The following ZMAT4 variants were observed in gnomAD, a reference collection of about 807,000 sequenced individuals.
ZMAT4 encodes the protein zinc finger matrin-type protein 4.
ZMAT4 carries 17 observed loss-of-function variants against 28.7 expected under a neutral mutation model. The observed-to-expected ratio is 0.59, with a 90% CI of 0.41 to 0.89. The LOEUF is 0.89. ZMAT4 is among the 40% of genes least tolerant of loss of function. The probability of loss-of-function intolerance (pLI) is 0.00; values close to 1 mark genes in which losing one functional copy is unlikely to be tolerated. For missense variants in ZMAT4, 240 were observed against 283.8 expected, an observed-to-expected ratio of 0.85 and a Z score of 1.11; for synonymous variants, 117 against 109.2, an observed-to-expected ratio of 1.07 and a Z score of -0.44.
intron 3 of ZMAT4, among the ~76,000 whole-genome samples, chr8:40,731,365 C>T (rs1399274067): frequency 3.3e-5 from 5 of 151,916 alleles, no homozygotes; most frequent in African/African-American, 9.7e-5. Flanking sequence ...CCTGAGAAGA[C>T]TTTAAATTCA....
At chr8:40,786,791 G>C in intron 2 of ZMAT4, 1 of 1,246,220 alleles carries the variant, frequency 8.0e-7, no homozygotes, top group Non-Finnish European at 1.1e-6. Flanking sequence ...CCCTAGGATA[G>C]ATGGGAACAA....
At chr8:40,644,355 T>G (rs1347625237) in intron 5 of ZMAT4, among the ~76,000 whole-genome samples, 2 of 152,092 alleles carry the variant, frequency 1.3e-5, no homozygotes, top group Non-Finnish European at 2.9e-5. Context: ...AAATGAGCCT[T>G]GAGCATCTTG....
At chr8:40,733,524 A>G (rs191839263) in intron 3 of ZMAT4, among the ~76,000 whole-genome samples, 233 of 152,266 alleles carry the variant, frequency 1.5e-3, no homozygotes, top group African/African-American at 5.5e-3. Flanking sequence ...GGGCCTGTTA[A>G]CAAGTTGCTG....
intron 3 of ZMAT4, among the ~76,000 whole-genome samples, chr8:40,720,794 G>A (rs1484543553): frequency 6.6e-6 from 1 of 151,912 alleles, no homozygotes; most frequent in Non-Finnish European, 1.5e-5. Flanking sequence ...CCAAAATGCT[G>A]GGATTACAGG....
rs533320336 is a variant in ZMAT4 at position 40,810,779 on chromosome 8, G to T, written c.102+14796C>A. Among the ~76,000 whole-genome samples the T allele has an allele frequency of 2.0e-5, 3 of 152,164 alleles. No individual in the cohort carries two copies. In the South Asian group the frequency reaches 6.2e-4, roughly 32 times the overall value. On this transcript the variant is annotated intron_variant, in intron 2 of 6. Transcript: ENST00000297737. ...ATATAACAGGAAGATGACAGAATGGGAGAAGATAGTTACAATGTATAAATT... is the reference window on the plus strand; with the variant it reads ...ATATAACAGGAAGATGACAGAATGGTAGAAGATAGTTACAATGTATAAATT...
At chr8:40,862,970 T>A (rs898934758) in intron 1 of ZMAT4, among the ~76,000 whole-genome samples, 3 of 150,864 alleles carry the variant, frequency 2.0e-5, no homozygotes, top group Admixed American at 6.6e-5. Flanking sequence ...AAAATATAAT[T>A]TAAAAAAAAA....
intron 1 of ZMAT4, among the ~76,000 whole-genome samples, chr8:40,892,219 A>G (rs1188478932): frequency 6.6e-6 from 1 of 152,210 alleles, no homozygotes; most frequent in African/African-American, 2.4e-5. Flanking sequence ...AGAAGTTTGC[A>G]GAGATATCTA....
intron 5 of ZMAT4, among the ~76,000 whole-genome samples, chr8:40,642,655 C>T (rs1036690401): frequency 6.6e-6 from 1 of 152,202 alleles, no homozygotes; most frequent in Non-Finnish European, 1.5e-5. Context: ...CCTAGAAAAG[C>T]TATCTGCTAG....
At chr8:40,829,386 T>C (rs1485849602) in intron 1 of ZMAT4, among the ~76,000 whole-genome samples, 1 of 152,200 alleles carries the variant, frequency 6.6e-6, no homozygotes, top group East Asian at 1.9e-4. Context: ...CTCCACCCGA[T>C]GTGGACGCAG....
chr8:40,538,485 G>GA (rs1308169877), intron 6 of ZMAT4, among the ~76,000 whole-genome samples: 1 of 152,128 alleles, frequency 6.6e-6, no homozygotes, highest in African/African-American at 2.4e-5. Flanking sequence ...AGGACCTCCT[G>GA]AAGGCTGCAT....
chr8:40,582,579 G>A (rs1164222628), intron 5 of ZMAT4, among the ~76,000 whole-genome samples: 2 of 152,190 alleles, frequency 1.3e-5, no homozygotes, highest in African/African-American at 4.8e-5. Context: ...ACTGAAAGCT[G>A]TAGCATTTGT....
rs181800550 is a variant in ZMAT4, at chr8:40,607,392, A to G, written c.578-26131T>C. The stretch of plus-strand genomic sequence containing the variant: ...GTGATCTGCCCACTCAGCCTCCCAA[A>G]GTACTGGGATTACAGGCATGAGCCA... On this transcript the variant is annotated intron_variant, in intron 5 of 6. Coordinates refer to ENST00000297737, the MANE Select transcript of ZMAT4 (RefSeq NM_024645.3). Among the ~76,000 whole-genome samples, 5 of 151,846 alleles carry G rather than the reference A, an allele frequency of 3.3e-5. No homozygotes were observed. In the East Asian group the frequency reaches 9.7e-4, roughly 29 times the overall value.
chr8:40,871,026 G>A (rs569484756), intron 1 of ZMAT4, among the ~76,000 whole-genome samples: 1 of 152,244 alleles, frequency 6.6e-6, no homozygotes, highest in East Asian at 1.9e-4. Flanking sequence ...TGACCTTCAA[G>A]GGAAGTTGCT....
chr8:40,622,434 A>G (rs1806234825), intron 5 of ZMAT4, among the ~76,000 whole-genome samples: 1 of 152,212 alleles, frequency 6.6e-6, no homozygotes, highest in African/African-American at 2.4e-5. Flanking sequence ...TTACGGAGAA[A>G]AAAGAACACT....
chr8:40,621,379 C>A (rs1806191353), intron 5 of ZMAT4, among the ~76,000 whole-genome samples: 1 of 152,180 alleles, frequency 6.6e-6, no homozygotes, highest in African/African-American at 2.4e-5. Context: ...GTACTCAAAT[C>A]TGGAGGAAAT....
At chr8:40,727,082 C>T (rs1337929718) in intron 3 of ZMAT4, among the ~76,000 whole-genome samples, 1 of 152,216 alleles carries the variant, frequency 6.6e-6, no homozygotes. Flanking sequence ...ATTATTTTCT[C>T]ATACAACAAA....
intron 3 of ZMAT4, among the ~76,000 whole-genome samples, chr8:40,756,459 C>CATATATATATATATATATACAT (rs59936081): frequency 1.5e-5 from 1 of 64,944 alleles, no homozygotes; most frequent in Non-Finnish European, 3.0e-5. Flanking sequence ...TATATATATA[C>CATATATATATATATATATACAT]ACACTTGTAT....
At chr8:40,802,232 T>A (rs1258133892) in intron 2 of ZMAT4, among the ~76,000 whole-genome samples, 2 of 152,034 alleles carry the variant, frequency 1.3e-5, no homozygotes, top group Non-Finnish European at 2.9e-5. Flanking sequence ...GCTAATGCAA[T>A]AAGGAAAGAA....
chr8:40,690,700 C>A (rs930263118), intron 4 of ZMAT4, among the ~76,000 whole-genome samples: 2 of 152,048 alleles, frequency 1.3e-5, no homozygotes, highest in Admixed American at 1.3e-4. Flanking sequence ...AACTTTCAAG[C>A]AGATATAGAC....
Sources: allele counts gnomAD v4.1 joint callset (sites outside exome capture counted in the v4.1 genomes callset), GRCh38; gene constraint gnomAD v4.1.1; transcripts MANE v1.5; gene names NCBI Gene and HGNC (gene_info 2026-07-23, HGNC 2026-07-21).